PIP4P1: variants seen among roughly 807,000 people sequenced by gnomAD.
PIP4P1 encodes the protein phosphatidylinositol-4,5-bisphosphate 4-phosphatase 1.
Under a neutral mutation model 32.3 loss-of-function variants are expected in PIP4P1, and 14 were observed. The ratio of observed to expected loss-of-function variants is 0.43; its 90% CI spans 0.29 to 0.68. PIP4P1 has a LOEUF of 0.68. Ranked by LOEUF, PIP4P1 falls within the 30% of genes least tolerant of loss-of-function variation. PIP4P1 has a pLI of 0.15. For missense variants in PIP4P1, 289 were observed against 364.5 expected (o/e 0.79, Z 1.69); for synonymous variants, 132 against 137.9 (o/e 0.96, Z 0.30).
At position 20,458,315 on chromosome 14, in the gene PIP4P1, G is replaced by A. The variant is rs1439530683; in HGVS notation, c.*244C>T. On this transcript the variant is annotated 3_prime_UTR_variant, in exon 7 of 7. Transcript: ENST00000250489. ...TTCAGGGCCCAGTTTTAAGGGCAACGTTTTGCCTACTTCACCCTAGACACA... is the reference window on the plus strand; with the variant it reads ...TTCAGGGCCCAGTTTTAAGGGCAACATTTTGCCTACTTCACCCTAGACACA... The A allele has an allele frequency of 1.2e-5, 8 of 650,392 alleles. No homozygotes were observed. The highest frequency in any genetic ancestry group is 2.2e-5 in the Non-Finnish European group (8 of 355,904). 40.3% of individuals were successfully genotyped at this position (650,392 alleles called of 1,614,324 possible).
At position 20,457,812 on chromosome 14, in the gene PIP4P1, C is replaced by G. The variant is rs933989305; in HGVS notation, c.*747G>C. ...TTACCCCTTCGTGGGGCTACACATT[C>G]TCTTCCTCATATTTTCATGCACACA... On this transcript the variant is annotated 3_prime_UTR_variant, in exon 7 of 7. Coordinates refer to ENST00000250489, the MANE Select transcript of PIP4P1 (RefSeq NM_144568.4). 9.1e-6 allele frequency: 4 copies of G among 438,632 alleles called. No individual in the cohort carries two copies. The highest frequency in any genetic ancestry group is 8.0e-5 in the African/African-American group (4 of 49,916). The allele number at this position is 438,632 out of a possible 1,614,324, so 27.2% of individuals were successfully genotyped here. A position where few individuals can be genotyped will look rare whatever the true frequency, so the allele number is the denominator to read the frequency against.
At chr14:20,459,121 C>A (rs568476854) in intron 6 of PIP4P1, 85 bp downstream of exon 6, 2 of 1,423,190 alleles carry the variant, frequency 1.4e-6, no homozygotes, top group East Asian at 4.6e-5. Context: ...GTTTCTTCCA[C>A]TTTTTTTTAG....
chr14:20,459,571 T>C (rs1594418916), intron 4 of PIP4P1, 57 bp downstream of exon 4: 4 of 1,578,602 alleles, frequency 2.5e-6, no homozygotes, highest in Non-Finnish European at 3.5e-6. Context: ...CTAAGAAATA[T>C]ACTCGAAATG....
intron 6 of PIP4P1, 104 bp downstream of exon 6, chr14:20,459,102 G>T (rs762120165): frequency 8.2e-7 from 1 of 1,212,828 alleles, no homozygotes; most frequent in South Asian, 1.4e-5. Context: ...AAACAAACTA[G>T]TCCCCCAAGT....
At chr14:20,459,478 G>A in intron 4 of PIP4P1, 38 bp from the exon 5 acceptor site, 5 of 1,613,308 alleles carry the variant, frequency 3.1e-6, no homozygotes, top group Non-Finnish European at 3.4e-6. Flanking sequence ...GCACAAGCAG[G>A]GTCTCCCTCA....
chr14:20,458,842 T>C (rs1243699676), intron 6 of PIP4P1, 140 bp from the exon 7 acceptor site: 2 of 1,057,518 alleles, frequency 1.9e-6, no homozygotes, highest in East Asian at 5.0e-5. Flanking sequence ...TCAGGGACCT[T>C]CTTAAAGGCA....
rs746887847 is a variant in PIP4P1, at chr14:20,459,704, T to C, written c.470A>G (p.His157Arg). 2 of 1,614,150 alleles carry C rather than the reference T, an allele frequency of 1.2e-6. No individual in the cohort carries two copies. Among genetic ancestry groups the C allele is most frequent in the Non-Finnish European group, 1.7e-6 (2 of 1,180,002 alleles). The change falls in exon 4 of 7, where the codon CAT (histidine) becomes CGT (arginine). Residue 157 changes from histidine to arginine, a missense_variant. Physicochemically the swap from His to Arg is conservative, Grantham distance 29 (BLOSUM62 0). Around this residue, in one of 2 missense-constraint regions of PIP4P1, gnomAD observed 181 missense variants for 263.3 expected, o/e 0.69. Transcript: ENST00000250489. ...GGGTTCTGGACTCAGAGGTCCGGGA[T>C]GCACAGGCCCCAGGTTGATGATTCT... ...CKRIINLGPV[H>R]PGPLSPEPQP...
Position 20,458,443 on chromosome 14 carries a change from GGCA to G in PIP4P1, c.*113_*115del. On this transcript the variant is annotated 3_prime_UTR_variant, in exon 7 of 7. Coordinates refer to ENST00000250489, the MANE Select transcript of PIP4P1 (RefSeq NM_144568.4). The stretch of plus-strand genomic sequence containing the variant: ...CCTACCTCTCCCCAGGGAAAAGGAA[GGCA>G]GCTGCTTGGCTTCCTTCTAGAAGCC... The G allele has an allele frequency of 6.8e-7, 1 of 1,471,818 alleles. No individual in the cohort carries two copies. The highest frequency in any genetic ancestry group is 9.3e-7 in the Non-Finnish European group (1 of 1,074,300). 91.2% of individuals were successfully genotyped at this position (1,471,818 alleles called of 1,614,324 possible).
Position 20,460,421 on chromosome 14 carries a change from G to A in PIP4P1, c.334-123C>T, listed in dbSNP as rs1027570162. ...AACCAGGAAGGAGAAATAAAAGAAAGACTATATCATGAGATTTGCAAATAG... is the reference window on the plus strand; with the variant it reads ...AACCAGGAAGGAGAAATAAAAGAAAAACTATATCATGAGATTTGCAAATAG... On this transcript the variant is annotated intron_variant, in intron 2 of 6. Coordinates refer to ENST00000250489, the MANE Select transcript of PIP4P1 (RefSeq NM_144568.4). The A allele has an allele frequency of 1.4e-5, 11 of 814,606 alleles. No homozygotes were observed. In the African/African-American group the frequency reaches 1.7e-4, roughly 13 times the overall value. The allele number at this position is 814,606 out of a possible 1,614,324, so 50.5% of individuals were successfully genotyped here. A position where few individuals can be genotyped will look rare whatever the true frequency, so the allele number is the denominator to read the frequency against.
chr14:20,461,163 C>G, intron 1 of PIP4P1, 21 bp downstream of exon 1: 7 of 1,261,446 alleles, frequency 5.5e-6, no homozygotes, highest in Non-Finnish European at 6.0e-6. Context: ...CCCGGCTTAC[C>G]CTGGGGCGGG....
At position 20,458,457 on chromosome 14, in the gene PIP4P1, T is replaced by C; in HGVS notation, c.*102A>G. On this transcript the variant is annotated 3_prime_UTR_variant, in exon 7 of 7. Transcript: ENST00000250489. ...GGGAAAAGGAAGGCAGCTGCTTGGC[T>C]TCCTTCTAGAAGCCCCGGGAGCCTT... 1 of 1,558,912 alleles carries C rather than the reference T, an allele frequency of 6.4e-7. No homozygotes were observed. Among genetic ancestry groups the C allele is most frequent in the Non-Finnish European group, 8.7e-7 (1 of 1,143,920 alleles).
At chr14:20,461,127 T>C in intron 1 of PIP4P1, 57 bp downstream of exon 1, 3 of 1,266,854 alleles carry the variant, frequency 2.4e-6, no homozygotes, top group Non-Finnish European at 3.0e-6. Context: ...GCTTTCAGAG[T>C]ACCCCGGGGA....
rs1881538633 is a variant in PIP4P1 at position 20,458,331 on chromosome 14, C to T, written c.*228G>A. The T allele has an allele frequency of 1.4e-6, 1 of 716,254 alleles. No homozygotes were observed. The allele number at this position is 716,254 out of a possible 1,614,324, so 44.4% of individuals were successfully genotyped here. On this transcript the variant is annotated 3_prime_UTR_variant, in exon 7 of 7. Transcript: ENST00000250489. The stretch of plus-strand genomic sequence containing the variant: ...AAGGGCAACGTTTTGCCTACTTCAC[C>T]CTAGACACAGCAACCCTTGGAGGAA...
At chr14:20,459,029 T>C (rs1450634560) in intron 6 of PIP4P1, 177 bp downstream of exon 6, 13 of 664,168 alleles carry the variant, frequency 2.0e-5, no homozygotes, top group Non-Finnish European at 3.1e-5. Flanking sequence ...TTCACTCTTG[T>C]AGTAGTAATA....
At position 20,457,957 on chromosome 14, in the gene PIP4P1, G is replaced by T. The variant is rs1311415688; in HGVS notation, c.*602C>A. On this transcript the variant is annotated 3_prime_UTR_variant, in exon 7 of 7. Transcript: ENST00000250489. ...CAGCCCAGTTAAATACTGCAACTGG[G>T]GGGGTAAAAAAGGTCGGGAGGAGGA... 6 of 310,094 alleles carry T rather than the reference G, an allele frequency of 1.9e-5. No homozygotes were observed. The East Asian group carries it at 4.2e-4, about 22-fold the overall frequency. 19.2% of individuals were successfully genotyped at this position (310,094 alleles called of 1,614,324 possible).
Position 20,461,265 on chromosome 14 carries a change from C to T in PIP4P1, c.61G>A (p.Gly21Ser). The T allele has an allele frequency of 3.1e-6, 4 of 1,281,786 alleles. No homozygotes were observed. 79.4% of individuals were successfully genotyped at this position (1,281,786 alleles called of 1,614,324 possible). Residue 21 changes from glycine (G) to serine (S), a missense_variant, in exon 1 of 7, where the codon GGC becomes AGC. By Grantham distance (56) the Gly-to-Ser change is moderately conservative. Around this residue, in one of 2 missense-constraint regions of PIP4P1, gnomAD observed 108 missense variants for 101.2 expected, o/e 1.07. Coordinates refer to ENST00000250489, the MANE Select transcript of PIP4P1 (RefSeq NM_144568.4). ...CCGCCGGGCCCCACTAAACCGTTGC[C>T]GCCCGCGCCACCGTCGATGGGCTCA... is the stretch of plus-strand genomic sequence containing the variant. ...LSEPIDGGAG[G>S]NGLVGPGGSG...
rs1309799621 is a variant in PIP4P1, at chr14:20,458,499, C to T, written c.*60G>A. 1.9e-6 allele frequency: 3 copies of T among 1,603,934 alleles called. No individual in the cohort carries two copies. The highest frequency in any genetic ancestry group is 2.6e-6 in the Non-Finnish European group (3 of 1,174,912). On this transcript the variant is annotated 3_prime_UTR_variant, in exon 7 of 7. Coordinates refer to ENST00000250489, the MANE Select transcript of PIP4P1 (RefSeq NM_144568.4). ...GGGAGCCTTTAACTACCCCAGCTCCCTTCGTAGTGTCACTGTCCCCACCAG... is the reference window on the plus strand; with the variant it reads ...GGGAGCCTTTAACTACCCCAGCTCCTTTCGTAGTGTCACTGTCCCCACCAG...
chr14:20,459,095 C>G (rs1566517408), intron 6 of PIP4P1, 111 bp downstream of exon 6: 1 of 1,175,560 alleles, frequency 8.5e-7, no homozygotes, highest in Non-Finnish European at 1.2e-6. Flanking sequence ...TAAAACAAAA[C>G]AAACTAGTCC....
chr14:20,459,678 G>T lies in PIP4P1; in HGVS notation c.496C>A (p.Gln166Lys), dbSNP rs1170621001. Residue 166 changes from glutamine to lysine, a missense_variant, in exon 4 of 7, where the codon CAA (glutamine) becomes AAA (lysine). By Grantham distance (53) the Gln-to-Lys change is moderately conservative. Transcript: ENST00000250489. The stretch of plus-strand genomic sequence containing the variant: ...CAGATAACCCTGACACCCATGGGTT[G>T]GGGTTCTGGACTCAGAGGTCCGGGA... ...VHPGPLSPEP[Q>K]PMGVRVICGH... is the part of the protein sequence containing the mutation. The T allele has an allele frequency of 1.9e-6, 3 of 1,614,102 alleles. No individual in the cohort carries two copies. Among genetic ancestry groups the T allele is most frequent in the Non-Finnish European group, 1.7e-6 (2 of 1,180,004 alleles).
Sources: gnomAD v4.1 joint callset for allele counts on GRCh38, gnomAD v4.1.1 for gene constraint, gnomAD v4.1.1 regional missense constraint, MANE v1.5 for transcripts, NCBI Gene and HGNC (gene_info 2026-07-23, HGNC 2026-07-21) for gene names.